Variants in BICD1 observed in about 807,000 individuals in gnomAD.
BICD1 encodes the protein protein bicaudal D homolog 1.
Under a neutral mutation model 92.5 loss-of-function variants are expected in BICD1, and 35 were observed. The ratio of observed to expected loss-of-function variants is 0.38; its 90% confidence interval spans 0.29 to 0.50. The LOEUF (loss-of-function observed/expected upper bound fraction) is 0.50, where lower values mean the gene tolerates loss of function less well. BICD1 is among the 20% of genes least tolerant of loss of function. The pLI, the probability that BICD1 is intolerant of heterozygous loss-of-function variation, is 0.93. For missense variants in BICD1, 950 were observed against 1,189.8 expected (o/e 0.80, Z 2.97); for synonymous variants, 429 against 465.1 (o/e 0.92, Z 1.00).
At chr12:32,271,707 T>C (rs1404103478) in intron 2 of BICD1, among the ~76,000 whole-genome samples, 2 of 152,208 alleles carry the variant, frequency 1.3e-5, no homozygotes, top group African/African-American at 4.8e-5. Flanking sequence ...TAACCCCATC[T>C]TTTTGGAGTC....
At position 32,339,591 on chromosome 12, in the gene BICD1, C is replaced by T. The variant is rs184331007; in HGVS notation, c.2764+612C>T. On this transcript the variant is annotated intron_variant, in intron 8 of 9. Coordinates refer to ENST00000652176, the MANE Select transcript of BICD1 (RefSeq NM_001714.4). The stretch of plus-strand genomic sequence containing the variant: ...TATTTTGCATTTTTCTTTCTTCCTT[C>T]CTTCCTTTCATTCTTTTTACTTGTT... 242 of 985,378 alleles carry T rather than the reference C, an allele frequency of 2.5e-4. 1 individual carries two copies. The African/African-American group carries it at 4.1e-3, about 17-fold the overall frequency. 61.0% of individuals were successfully genotyped at this position (985,378 alleles called of 1,614,324 possible).
At chr12:32,324,371 A>C (rs1252220916) in intron 4 of BICD1, among the ~76,000 whole-genome samples, 4 of 151,728 alleles carry the variant, frequency 2.6e-5, no homozygotes, top group Non-Finnish European at 5.9e-5. Context: ...AAACAAAAAA[A>C]AAAACTTAGG....
At chr12:32,135,386 CTTTTTTTTTTT>C (rs71064999) in intron 1 of BICD1, among the ~76,000 whole-genome samples, 15 of 44,834 alleles carry the variant, frequency 3.3e-4, no homozygotes, top group South Asian at 2.0e-3. Flanking sequence ...CCATGCGTGG[CTTTTTTTTTTT>C]TTTTTTTTTT....
intron 1 of BICD1, among the ~76,000 whole-genome samples, chr12:32,162,144 C>G (rs1943618924): frequency 1.3e-5 from 2 of 152,182 alleles, no homozygotes; most frequent in African/African-American, 2.4e-5. Flanking sequence ...CTCACATCCC[C>G]CTTTGTAATC....
At chr12:32,151,110 ATATAAGACT>A (rs976153726) in intron 1 of BICD1, among the ~76,000 whole-genome samples, 1 of 152,234 alleles carries the variant, frequency 6.6e-6, no homozygotes, top group Non-Finnish European at 1.5e-5. Context: ...TTGCTTAAAA[ATATAAGACT>A]TCCTTGATGT....
chr12:32,375,331 C>T (rs955895850), intron 9 of BICD1, among the ~76,000 whole-genome samples: 1 of 152,030 alleles, frequency 6.6e-6, no homozygotes, highest in African/African-American at 2.4e-5. Context: ...GAGTTCGAGA[C>T]CAGCCTGGCC....
rs1171962975 is a variant in BICD1, at chr12:32,236,310, G to T, written c.426+19851G>T. 2.0e-5 allele frequency among the ~76,000 whole-genome samples: 3 copies of T among 151,820 alleles called. No homozygotes were observed. The East Asian group carries it at 5.8e-4, about 30-fold the overall frequency. ...CTTGGGAGGCTGAGGCAGGAGAATC[G>T]CTTGAACTGGGGAGGCGGAGGTTGC... On this transcript the variant is annotated intron_variant, in intron 2 of 9. Coordinates refer to ENST00000652176, the MANE Select transcript of BICD1 (RefSeq NM_001714.4).
At position 32,189,268 on chromosome 12, in the gene BICD1, CAG is replaced by C. The variant is rs1424547917; in HGVS notation, c.214-26976_214-26975del. Among the ~76,000 whole-genome samples the C allele has an allele frequency of 2.4e-4, 37 of 152,300 alleles. 1 individual carries two copies. Among genetic ancestry groups the C allele is most frequent in the African/African-American group, 8.9e-4 (37 of 41,564 alleles). On this transcript the variant is annotated intron_variant, in intron 1 of 9. Transcript: ENST00000652176. ...TGACATTTAAATTCTATTGCTCTGA[CAG>C]AGCCATTCTGACAGGTTTTAAGTTT...
chr12:32,310,822 A>ATT, intron 4 of BICD1, among the ~76,000 whole-genome samples: 1 of 152,252 alleles, frequency 6.6e-6, no homozygotes, highest in Non-Finnish European at 1.5e-5. Flanking sequence ...CATGTTGTAC[A>ATT]TGATAAATAT....
At chr12:32,245,981 G>A (rs773034203) in intron 2 of BICD1, among the ~76,000 whole-genome samples, 6 of 117,538 alleles carry the variant, frequency 5.1e-5, no homozygotes, top group Non-Finnish European at 9.7e-5. Context: ...AGTGAGCCGA[G>A]ATCGTGTCAC....
chr12:32,171,467 C>CTGCAGA (rs1275228371), intron 1 of BICD1, among the ~76,000 whole-genome samples: 2 of 152,204 alleles, frequency 1.3e-5, no homozygotes, highest in East Asian at 3.8e-4. Context: ...GCTTTCCTTT[C>CTGCAGA]CTTATCACTT....
chr12:32,376,868 A>G (rs1939990372), intron 9 of BICD1, among the ~76,000 whole-genome samples: 1 of 61,056 alleles, frequency 1.6e-5, no homozygotes, highest in Admixed American at 1.6e-4. Flanking sequence ...ACTCCATCTA[A>G]AAAAAAAAGG....
intron 2 of BICD1, among the ~76,000 whole-genome samples, chr12:32,226,775 C>T (rs1160607292): frequency 6.6e-6 from 1 of 152,204 alleles, no homozygotes; most frequent in Non-Finnish European, 1.5e-5. Flanking sequence ...GGAGAAAAGC[C>T]ATAGGAAAGA....
intron 2 of BICD1, among the ~76,000 whole-genome samples, chr12:32,254,650 T>A (rs1038754426): frequency 6.6e-6 from 1 of 152,214 alleles, no homozygotes; most frequent in Non-Finnish European, 1.5e-5. Flanking sequence ...TCTCATTCAA[T>A]TGGGACAGTC....
intron 1 of BICD1, among the ~76,000 whole-genome samples, chr12:32,163,811 T>G (rs1336742320): frequency 6.6e-6 from 1 of 152,126 alleles, no homozygotes; most frequent in Non-Finnish European, 1.5e-5. Flanking sequence ...CAGTGGCCCA[T>G]GAACAGAATC....
intron 1 of BICD1, chr12:32,109,048 A>T (rs1476375245): frequency 5.8e-6 from 1 of 171,564 alleles, no homozygotes; most frequent in East Asian, 1.5e-4. Flanking sequence ...AGTGCAAACC[A>T]GAAAGTGGTA....
chr12:32,353,969 T>C (rs2136309991), intron 8 of BICD1: 1 of 152,328 alleles, frequency 6.6e-6, no homozygotes, highest in African/African-American at 2.4e-5. Context: ...GGTGCCACTG[T>C]ATTTAATTAC....
intron 4 of BICD1, among the ~76,000 whole-genome samples, chr12:32,306,489 C>G (rs1222025495): frequency 6.6e-6 from 1 of 151,878 alleles, no homozygotes; most frequent in African/African-American, 2.4e-5. Flanking sequence ...CGTGATCCGC[C>G]CGCCTTGGCC....
chr12:32,184,486 C>T (rs1944371963), intron 1 of BICD1, among the ~76,000 whole-genome samples: 1 of 152,088 alleles, frequency 6.6e-6, no homozygotes, highest in Admixed American at 6.6e-5. Context: ...GGAGTTTCAC[C>T]ATGTTGGCCA....
Sources: gnomAD v4.1 joint callset for allele counts (sites outside exome capture counted in the v4.1 genomes callset) on GRCh38, gnomAD v4.1.1 for gene constraint, MANE v1.5 for transcripts, NCBI Gene and HGNC (gene_info 2026-07-23, HGNC 2026-07-21) for gene names.